The following DYNC2LI1 variants were observed in gnomAD, a reference collection of about 807,000 sequenced individuals.
DYNC2LI1 encodes cytoplasmic dynein 2 light intermediate chain 1.
Under a neutral mutation model 51.9 loss-of-function variants are expected in DYNC2LI1, and 45 were observed. The ratio of observed to expected loss-of-function variants is 0.87; its 90% CI spans 0.68 to 1.11. The LOEUF (loss-of-function observed/expected upper bound fraction) is 1.11. DYNC2LI1 is among the 50% of genes most tolerant of loss of function. The pLI is 0.00. For missense variants in DYNC2LI1, 490 were observed against 417.4 expected, an observed-to-expected ratio of 1.17 and a Z score of -1.51; for synonymous variants, 130 against 137.8, an observed-to-expected ratio of 0.94 and a Z score of 0.40.
At chr2:43,796,867 C>A (rs986079871) in intron 8 of DYNC2LI1, 72 bp downstream of exon 8, 1 of 1,150,458 alleles carries the variant, frequency 8.7e-7, no homozygotes, top group Non-Finnish European at 1.3e-6. Context: ...ACTTGATGCA[C>A]AGCTACGAGG....
intron 11 of DYNC2LI1, among the ~76,000 whole-genome samples, 172 bp downstream of exon 11, chr2:43,804,911 A>AG (rs1553364969): frequency 2.0e-5 from 3 of 150,892 alleles, no homozygotes; most frequent in Non-Finnish European, 2.9e-5. Flanking sequence ...AAAAAAAAAA[A>AG]GGTAAGACAT....
chr2:43,810,872 C>T (rs990347934), downstream of DYNC2LI1, among the ~76,000 whole-genome samples: 8 of 152,162 alleles, frequency 5.3e-5, no homozygotes, highest in African/African-American at 1.7e-4. Context: ...AAGAAACAGC[C>T]TATTCCACAA....
the DYNC2LI1 span, among the ~76,000 whole-genome samples, chr2:43,826,846 G>A: frequency 6.6e-6 from 1 of 152,180 alleles, no homozygotes; most frequent in Non-Finnish European, 1.5e-5. Context: ...GCATCAAGTT[G>A]TTTTAAAACA....
Position 43,801,635 on chromosome 2 carries a change from G to C in DYNC2LI1, c.732-4G>C. 3 of 1,604,154 alleles carry C rather than the reference G, an allele frequency of 1.9e-6. No homozygotes were observed. The highest frequency in any genetic ancestry group is 2.6e-6 in the Non-Finnish European group (3 of 1,174,628). ...AATTTAGAATCTTTCTCTTCTCCAC[G>C]TAGCAAATCAATATGTGTGGATCAG... On this transcript the variant is annotated splice_polypyrimidine_tract_variant and splice_region_variant and intron_variant, in intron 9 of 12. Transcript: ENST00000260605.
At chr2:43,800,811 A>G in intron 8 of DYNC2LI1, 30 bp from the exon 9 acceptor site, 2 of 1,251,204 alleles carry the variant, frequency 1.6e-6, no homozygotes, top group South Asian at 1.4e-5. Context: ...AAAATAGAGC[A>G]TGTAATTTGT....
At chr2:43,819,614 G>T in the DYNC2LI1 span, among the ~76,000 whole-genome samples, 1 of 152,028 alleles carries the variant, frequency 6.6e-6, no homozygotes, top group Non-Finnish European at 1.5e-5. Context: ...TGTGGGCTGT[G>T]AGTTTTTCCT....
At chr2:43,781,337 A>G (rs922953800) in intron 2 of DYNC2LI1, among the ~76,000 whole-genome samples, 1 of 151,724 alleles carries the variant, frequency 6.6e-6, no homozygotes, top group East Asian at 1.9e-4. Context: ...ACTGCACTCC[A>G]GCCTATGCAA....
At chr2:43,778,728 A>G (rs980581469) in intron 2 of DYNC2LI1, among the ~76,000 whole-genome samples, 4 of 151,818 alleles carry the variant, frequency 2.6e-5, no homozygotes, top group Middle Eastern at 3.4e-3. Context: ...CCCTACCAGT[A>G]TCCTCTTAGC....
At chr2:43,825,982 G>A in the DYNC2LI1 span, among the ~76,000 whole-genome samples, 3 of 151,578 alleles carry the variant, frequency 2.0e-5, no homozygotes, top group Admixed American at 6.6e-5. Flanking sequence ...ACGGTTTTTT[G>A]TTTGTTTGTT....
At chr2:43,777,656 A>G (rs886222768) in intron 2 of DYNC2LI1, among the ~76,000 whole-genome samples, 1 of 152,200 alleles carries the variant, frequency 6.6e-6, no homozygotes, top group Non-Finnish European at 1.5e-5. Flanking sequence ...GCATTGACAA[A>G]TACGAAGCTT....
At chr2:43,816,470 A>G in the DYNC2LI1 span, among the ~76,000 whole-genome samples, 1 of 152,178 alleles carries the variant, frequency 6.6e-6, no homozygotes, top group Non-Finnish European at 1.5e-5. Context: ...GCACAGACAG[A>G]AGGAGAAGCA....
chr2:43,823,958 C>G, the DYNC2LI1 span: 17 of 1,614,206 alleles, frequency 1.1e-5, no homozygotes, highest in Non-Finnish European at 1.4e-5. Flanking sequence ...GTGGCGCCCA[C>G]AAACTGGTAA....
chr2:43,776,460 T>G (rs1294895489), intron 1 of DYNC2LI1, among the ~76,000 whole-genome samples: 1 of 152,224 alleles, frequency 6.6e-6, no homozygotes, highest in African/African-American at 2.4e-5. Context: ...CCAAAGTCAT[T>G]GTACCTCCAT....
chr2:43,818,842 T>A, the DYNC2LI1 span, among the ~76,000 whole-genome samples: 1 of 152,220 alleles, frequency 6.6e-6, no homozygotes. Flanking sequence ...CTTCTCATGA[T>A]CCCTTGAGGC....
downstream of DYNC2LI1, chr2:43,813,424 C>G: frequency 1.3e-6 from 1 of 765,026 alleles, no homozygotes; most frequent in Non-Finnish European, 2.3e-6. Context: ...GACACTTTAG[C>G]AAGCCCAGAG....
At chr2:43,813,778 C>T (rs1406313408), downstream of DYNC2LI1, among the ~76,000 whole-genome samples, 1 of 122,382 alleles carries the variant, frequency 8.2e-6, no homozygotes, top group African/African-American at 3.2e-5. Context: ...AGTGCAGTGG[C>T]TCGATCTGGG....
the DYNC2LI1 span, among the ~76,000 whole-genome samples, chr2:43,815,436 T>C: frequency 1.3e-5 from 2 of 152,220 alleles, no homozygotes; most frequent in African/African-American, 4.8e-5. Context: ...TAGTGAACTA[T>C]TTGTGCCAAG....
intron 3 of DYNC2LI1, among the ~76,000 whole-genome samples, chr2:43,786,185 G>A (rs112067942): frequency 1.2e-4 from 18 of 152,244 alleles, no homozygotes; most frequent in Admixed American, 3.3e-4. Context: ...AGAGAACTGC[G>A]TTAAAGTCTT....
At chr2:43,825,063 C>T in the DYNC2LI1 span, 18 of 1,606,594 alleles carry the variant, frequency 1.1e-5, no homozygotes, top group African/African-American at 8.0e-5. Flanking sequence ...ACAAGGGTAG[C>T]GATGCACTTT....
Sources: allele counts gnomAD v4.1 joint callset (sites outside exome capture counted in the v4.1 genomes callset), GRCh38; gene constraint gnomAD v4.1.1; transcripts MANE v1.5; gene names NCBI Gene and HGNC (gene_info 2026-07-23, HGNC 2026-07-21).